Variants in GRIN2B observed in about 807,000 individuals in gnomAD.
GRIN2B encodes glutamate ionotropic receptor NMDA type subunit 2B.
A neutral mutation model predicts 114.5 loss-of-function variants in GRIN2B; 5 were observed. The ratio of observed to expected loss-of-function variants is 0.04; its 90% CI spans 0.02 to 0.09. The LOEUF is 0.09. Among genes scored for constraint, GRIN2B ranks in the 10% least tolerant of loss-of-function variants. The pLI is 1.00. For synonymous variants in GRIN2B, 787 were observed against 745.1 expected (o/e 1.06, Z -0.92); for missense variants, 1,108 against 1,943.5 (o/e 0.57, Z 8.08).
At chr12:13,911,145 G>GA (rs1866621441) in intron 2 of GRIN2B, among the ~76,000 whole-genome samples, 5 of 151,524 alleles carry the variant, frequency 3.3e-5, no homozygotes, top group Non-Finnish European at 5.9e-5. Flanking sequence ...AACTCCTTTG[G>GA]AAAAAAGACT....
At chr12:13,588,274 G>A (rs544519887) in intron 10 of GRIN2B, among the ~76,000 whole-genome samples, 14 of 152,280 alleles carry the variant, frequency 9.2e-5, no homozygotes, top group East Asian at 3.9e-4. Context: ...AAAATAAAAC[G>A]TTTCTCTTTC....
chr12:13,660,613 T>C (rs1404250014), intron 5 of GRIN2B, among the ~76,000 whole-genome samples: 7 of 152,018 alleles, frequency 4.6e-5, no homozygotes, highest in Admixed American at 1.3e-4. Flanking sequence ...CTTTGTGGAG[T>C]AGAAAAATGC....
chr12:13,884,260 A>G (rs1866116767), intron 2 of GRIN2B, among the ~76,000 whole-genome samples: 1 of 152,080 alleles, frequency 6.6e-6, no homozygotes, highest in Non-Finnish European at 1.5e-5. Flanking sequence ...ATTCCTACAA[A>G]AAAAAAATCC....
intron 3 of GRIN2B, among the ~76,000 whole-genome samples, chr12:13,789,020 C>A (rs555707539): frequency 6.6e-6 from 1 of 152,208 alleles, no homozygotes; most frequent in Non-Finnish European, 1.5e-5. Flanking sequence ...CAAGTCAGCT[C>A]TAGCTAAACC....
At chr12:13,660,538 G>C (rs1438760120) in intron 5 of GRIN2B, among the ~76,000 whole-genome samples, 2 of 152,140 alleles carry the variant, frequency 1.3e-5, no homozygotes, top group Admixed American at 6.5e-5. Context: ...TGGACTTTGA[G>C]AATCTGCTTT....
chr12:13,550,119 C>T lies in GRIN2B; in HGVS notation c.*12664G>A, dbSNP rs986780953. ...TATCCAATTTTGTGCTTTGACTTCT[C>T]ATCTGTAAAACTGAAAGATGATCTT... On this transcript the variant is annotated 3_prime_UTR_variant, in exon 14 of 14. Coordinates refer to ENST00000609686, the MANE Select transcript of GRIN2B (RefSeq NM_000834.5). The T allele has an allele frequency of 1.3e-5, 2 of 152,302 alleles. No individual in the cohort carries two copies. The highest frequency in any genetic ancestry group is 3.4e-3 in the Middle Eastern group (1 of 294). 9.4% of individuals were successfully genotyped at this position (152,302 alleles called of 1,614,324 possible).
chr12:13,634,535 C>G (rs958719368), intron 5 of GRIN2B, among the ~76,000 whole-genome samples: 1 of 152,048 alleles, frequency 6.6e-6, no homozygotes, highest in Non-Finnish European at 1.5e-5. Context: ...ACAAAAGGAG[C>G]GTAGTTGAGC....
At chr12:13,945,619 T>C (rs905330436) in intron 2 of GRIN2B, among the ~76,000 whole-genome samples, 8 of 152,284 alleles carry the variant, frequency 5.3e-5, no homozygotes, top group African/African-American at 9.6e-5. Flanking sequence ...GCAGCACCAG[T>C]ACCTACCTGT....
Position 13,660,986 on chromosome 12 carries a change from T to C in GRIN2B, c.1125+14759A>G, listed in dbSNP as rs1177827349. On this transcript the variant is annotated intron_variant, in intron 5 of 13. Coordinates refer to ENST00000609686, the MANE Select transcript of GRIN2B (RefSeq NM_000834.5). Reference sequence around the variant, plus strand: ...ACACTTTTAGACTATATCACTCTGTTTTTAATTGCTGTCAGTTTTCCATTC... The same window carrying C: ...ACACTTTTAGACTATATCACTCTGTCTTTAATTGCTGTCAGTTTTCCATTC... Among the ~76,000 whole-genome samples, 3 of 152,200 alleles carry C rather than the reference T, an allele frequency of 2.0e-5. No homozygotes were observed. In the East Asian group the frequency reaches 5.8e-4, roughly 29 times the overall value.
rs928749192 is a variant in GRIN2B at position 13,553,152 on chromosome 12, C to T, written c.*9631G>A. On this transcript the variant is annotated 3_prime_UTR_variant, in exon 14 of 14. Coordinates refer to ENST00000609686, the MANE Select transcript of GRIN2B (RefSeq NM_000834.5). ...TTCTTCAGAGGGACAGAGACTGACA[C>T]TGGCTAGAAAGAATGATTGATAGAT... 6.6e-6 allele frequency: 1 copy of T among 152,178 alleles called. No individual in the cohort carries two copies. The highest frequency in any genetic ancestry group is 2.4e-5 in the African/African-American group (1 of 41,426). The allele number at this position is 152,178 out of a possible 1,614,324, so 9.4% of individuals were successfully genotyped here.
At chr12:13,581,560 T>G (rs1948849815) in intron 10 of GRIN2B, among the ~76,000 whole-genome samples, 1 of 152,184 alleles carries the variant, frequency 6.6e-6, no homozygotes, top group South Asian at 2.1e-4. Context: ...CACTGTTCCA[T>G]GGCCCATAAG....
chr12:13,562,740 G>A lies in GRIN2B; in HGVS notation c.*43C>T, dbSNP rs2136402044. The stretch of plus-strand genomic sequence containing the variant: ...TGACATGCGCATCACGCGACCCACA[G>A]CCTTACCCTCCCGTACCCACCTTAA... On this transcript the variant is annotated 3_prime_UTR_variant, in exon 14 of 14. Transcript: ENST00000609686. 2.0e-6 allele frequency: 3 copies of A among 1,526,278 alleles called. No homozygotes were observed. The highest frequency in any genetic ancestry group is 1.1e-5 in the South Asian group (1 of 89,342). 94.5% of individuals were successfully genotyped at this position (1,526,278 alleles called of 1,614,324 possible).
At chr12:13,872,205 C>T (rs1319112974) in intron 2 of GRIN2B, among the ~76,000 whole-genome samples, 1 of 151,336 alleles carries the variant, frequency 6.6e-6, no homozygotes, top group Non-Finnish European at 1.5e-5. Context: ...AAAAAAAAAA[C>T]CTTAAAAATT....
intron 5 of GRIN2B, among the ~76,000 whole-genome samples, chr12:13,668,482 G>A (rs965920215): frequency 1.3e-5 from 2 of 152,074 alleles, no homozygotes; most frequent in African/African-American, 4.8e-5. Flanking sequence ...TCCTCTCCAT[G>A]GCTGCCTCCT....
At chr12:13,818,356 G>T (rs983914219) in intron 3 of GRIN2B, among the ~76,000 whole-genome samples, 3 of 152,186 alleles carry the variant, frequency 2.0e-5, no homozygotes, top group Non-Finnish European at 4.4e-5. Flanking sequence ...ATATTTCTGG[G>T]TACTAATTCA....
intron 2 of GRIN2B, among the ~76,000 whole-genome samples, chr12:13,943,831 T>C (rs1867311304): frequency 6.6e-6 from 1 of 152,134 alleles, no homozygotes; most frequent in African/African-American, 2.4e-5. Context: ...CTCATCACTC[T>C]CGTCTATGAT....
chr12:13,624,017 C>T (rs893816828), intron 5 of GRIN2B, among the ~76,000 whole-genome samples: 2 of 152,160 alleles, frequency 1.3e-5, no homozygotes, highest in South Asian at 2.1e-4. Flanking sequence ...GTTCTGCATT[C>T]TCCTTGGCCC....
At chr12:13,840,268 G>A (rs997219035) in intron 3 of GRIN2B, among the ~76,000 whole-genome samples, 1 of 152,196 alleles carries the variant, frequency 6.6e-6, no homozygotes, top group Non-Finnish European at 1.5e-5. Context: ...GAAACATGGA[G>A]CTGGAAAGGA....
chr12:13,865,036 C>T (rs377453165), intron 3 of GRIN2B, among the ~76,000 whole-genome samples: 3 of 152,134 alleles, frequency 2.0e-5, no homozygotes, highest in South Asian at 2.1e-4. Context: ...GTGTGATGAG[C>T]GTTAATACCT....
Sources: allele counts gnomAD v4.1 joint callset (sites outside exome capture counted in the v4.1 genomes callset), GRCh38; gene constraint gnomAD v4.1.1; transcripts MANE v1.5; gene names NCBI Gene and HGNC (gene_info 2026-07-23, HGNC 2026-07-21).